SLC7A11: variants seen among roughly 807,000 people sequenced by gnomAD.
SLC7A11 encodes the protein solute carrier family 7 member 11.
A neutral mutation model predicts 54.5 loss-of-function variants in SLC7A11; 35 were observed. The ratio of observed to expected loss-of-function variants is 0.64; its 90% CI spans 0.49 to 0.85. The LOEUF is 0.85. Ranked by LOEUF, SLC7A11 falls within the 40% of genes least tolerant of loss-of-function variation. The pLI is 0.00. For synonymous variants in SLC7A11, 230 were observed against 225.2 expected (o/e 1.02, Z -0.19); for missense variants, 583 against 618.1 (o/e 0.94, Z 0.60).
In SLC7A11 at chr4:138,237,737, A is replaced by ATTTTT. The variant is rs1169641615; in HGVS notation, c.278-1291_278-1287dup. Among the ~76,000 whole-genome samples, 4 of 9,832 alleles carry ATTTTT rather than the reference A, an allele frequency of 4.1e-4. 1 individual carries two copies. Among genetic ancestry groups the ATTTTT allele is most frequent in the East Asian group, 3.9e-3 (1 of 258 alleles). The allele number at this position is 9,832 out of a possible 152,430, so 6.5% of individuals were successfully genotyped here. On this transcript the variant is annotated intron_variant, in intron 1 of 11. Transcript: ENST00000280612. ...TATATATATATATATATATATATAT[A>ATTTTT]TTTTTTTTTTTTTTTTTTTTTTTTT...
At chr4:138,219,142 TA>T in intron 5 of SLC7A11, 123 bp downstream of exon 5, 1 of 607,296 alleles carries the variant, frequency 1.6e-6, no homozygotes, top group Non-Finnish European at 2.9e-6. Context: ...TCATTTCAAG[TA>T]AAGCCTATCA....
At chr4:138,178,600 T>C (rs1301267616) in intron 11 of SLC7A11, among the ~76,000 whole-genome samples, 1 of 152,064 alleles carries the variant, frequency 6.6e-6, no homozygotes, top group African/African-American at 2.4e-5. Context: ...ATTCCCACCA[T>C]AGCACATGTA....
intron 2 of SLC7A11, among the ~76,000 whole-genome samples, chr4:138,235,517 A>G (rs886492824): frequency 3.9e-5 from 6 of 152,158 alleles, no homozygotes; most frequent in Non-Finnish European, 8.8e-5. Context: ...TCTCAATCAC[A>G]TATGTTTGAT....
intron 11 of SLC7A11, chr4:138,174,674 G>C (rs978990322): frequency 3.9e-5 from 6 of 152,144 alleles, no homozygotes; most frequent in African/African-American, 1.4e-4. Flanking sequence ...GCATTCAACT[G>C]TCATGTCTAC....
At chr4:138,185,273 A>C (rs767518414) in intron 6 of SLC7A11, 29 bp from the exon 7 acceptor site, 1 of 1,608,918 alleles carries the variant, frequency 6.2e-7, no homozygotes, top group Non-Finnish European at 8.5e-7. Context: ...TCACTTATTC[A>C]TTATCTTTTG....
chr4:138,184,544 G>A (rs908638358), intron 7 of SLC7A11, among the ~76,000 whole-genome samples: 1 of 152,064 alleles, frequency 6.6e-6, no homozygotes, highest in Non-Finnish European at 1.5e-5. Flanking sequence ...TTCTTAGGGA[G>A]TTCAAATGCA....
chr4:138,189,338 AC>A (rs1736954050), intron 6 of SLC7A11, among the ~76,000 whole-genome samples: 1 of 152,140 alleles, frequency 6.6e-6, no homozygotes, highest in African/African-American at 2.4e-5. Flanking sequence ...ATTTACAACA[AC>A]CCATGGAAAC....
Position 138,183,262 on chromosome 4 carries a change from G to GGAA in SLC7A11, c.956_958dup (p.Val319_Pro320insLeu), listed in dbSNP as rs778780950. The GGAA allele has an allele frequency of 6.2e-7, 1 of 1,611,948 alleles. No homozygotes were observed. The stretch of plus-strand genomic sequence containing the variant: ...AAAGCAGGAGAGGGCAACAAAGATC[G>GGAA]GAACTGCTAATGAGAAATTTCCCAG... On this transcript the variant is annotated inframe_insertion, in exon 8 of 12. Transcript: ENST00000280612.
chr4:138,209,708 G>A (rs1027832034), intron 6 of SLC7A11, among the ~76,000 whole-genome samples: 2 of 151,932 alleles, frequency 1.3e-5, no homozygotes, highest in African/African-American at 2.4e-5. Flanking sequence ...ATCTCTGCAA[G>A]GAGAGCTATA....
intron 4 of SLC7A11, among the ~76,000 whole-genome samples, chr4:138,222,897 C>T (rs1376026547): frequency 8.2e-6 from 1 of 121,914 alleles, no homozygotes; most frequent in African/African-American, 3.4e-5. Flanking sequence ...TTAATTAAAA[C>T]TAAGTGGCAG....
chr4:138,223,596 T>G (rs926617530), intron 3 of SLC7A11, among the ~76,000 whole-genome samples: 1 of 152,200 alleles, frequency 6.6e-6, no homozygotes, highest in Non-Finnish European at 1.5e-5. Flanking sequence ...GTTCTTTGTA[T>G]GTAAGAGTGG....
rs1737750077 is a variant in SLC7A11, at chr4:138,219,286, TCCATAA to T, written c.720_725del (p.Tyr240_Gly242delinsTer). ...CTTACCAGCCAGCATATGCATACATTCCATAATAAAAAGCCAGTGGCAACCGCGTAA... is the reference window on the plus strand; with the variant it reads ...CTTACCAGCCAGCATATGCATACATTTAAAAAGCCAGTGGCAACCGCGTAA... On this transcript the variant is annotated stop_gained and inframe_deletion, in exon 5 of 12. Transcript: ENST00000280612. LOFTEE classifies it high-confidence loss of function. 6.2e-7 allele frequency: 1 copy of T among 1,602,762 alleles called. No individual in the cohort carries two copies.
chr4:138,196,502 T>C (rs1737134942), intron 6 of SLC7A11, among the ~76,000 whole-genome samples: 2 of 152,026 alleles, frequency 1.3e-5, no homozygotes, highest in Non-Finnish European at 2.9e-5. Flanking sequence ...CCGTGACGAC[T>C]GAAGTTGAAA....
Position 138,179,222 on chromosome 4 carries a change from A to G in SLC7A11, c.1439T>C (p.Met480Thr), listed in dbSNP as rs766428287. The G allele has an allele frequency of 1.2e-6, 2 of 1,602,772 alleles. No individual in the cohort carries two copies. Among genetic ancestry groups the G allele is most frequent in the South Asian group, 1.1e-5 (1 of 90,738 alleles). ...AAAGTATTTAAAATTCTTACCCGAC[A>G]TTATTCTAAACCACCTGGGTTTCTT... ...WDKKPRWFRI[M>T]SEKITRTLQI... Residue 480 changes from methionine (M) to threonine (T), a missense_variant, in exon 11 of 12, where the codon ATG becomes ACG. Transcript: ENST00000280612.
Position 138,183,292 on chromosome 4 carries a change from C to T in SLC7A11, c.929G>A (p.Arg310Gln), listed in dbSNP as rs779699261. 18 of 1,609,668 alleles carry T rather than the reference C, an allele frequency of 1.1e-5. No individual in the cohort carries two copies. The South Asian group carries it at 1.2e-4, about 11-fold the overall frequency. ...TGCTAATGAGAAATTTCCCAGTAGCCGCTCAGAAAAGGTCTAGTGAAAGAA... is the reference window on the plus strand; with the variant it reads ...TGCTAATGAGAAATTTCCCAGTAGCTGCTCAGAAAAGGTCTAGTGAAAGAA... ...SNAVAVTFSERLLGNFSLAVP... is the reference protein window; with the variant it reads ...SNAVAVTFSEQLLGNFSLAVP... The change falls in exon 8 of 12, where the codon CGG (arginine) becomes CAG (glutamine). Residue 310 changes from arginine (R) to glutamine (Q), a missense_variant. Physicochemically the swap from Arg to Gln is conservative, Grantham distance 43. Transcript: ENST00000280612.
intron 6 of SLC7A11, among the ~76,000 whole-genome samples, chr4:138,198,477 AAATG>A (rs1265046173): frequency 6.6e-6 from 1 of 152,220 alleles, no homozygotes; most frequent in African/African-American, 2.4e-5. Context: ...ACTGGTGATC[AAATG>A]AATGCATTTT....
chr4:138,223,343 A>C lies in SLC7A11; in HGVS notation c.521-19T>G, dbSNP rs946797380. The C allele has an allele frequency of 6.2e-7, 1 of 1,611,014 alleles. No homozygotes were observed. Among genetic ancestry groups the C allele is most frequent in the African/African-American group, 1.3e-5 (1 of 74,778 alleles). ...ACTACAGCTGCAAACAAATAGAGGA[A>C]GTTACAAAAGGTGAATTCTCACTGG... On this transcript the variant is annotated intron_variant, in intron 3 of 11. Transcript: ENST00000280612.
intron 3 of SLC7A11, among the ~76,000 whole-genome samples, chr4:138,225,932 G>A (rs1737937909): frequency 6.6e-6 from 1 of 151,988 alleles, no homozygotes; most frequent in South Asian, 2.1e-4. Context: ...AGGAGAGAGA[G>A]AGAGGCATTC....
chr4:138,194,101 G>A (rs1737074261), intron 6 of SLC7A11, among the ~76,000 whole-genome samples: 1 of 152,072 alleles, frequency 6.6e-6, no homozygotes, highest in African/African-American at 2.4e-5. Context: ...TGGAGCAGAG[G>A]GAAAGGTGGG....
Sources: allele counts gnomAD v4.1 joint callset (sites outside exome capture counted in the v4.1 genomes callset), GRCh38; gene constraint gnomAD v4.1.1; transcripts MANE v1.5; gene names NCBI Gene and HGNC (gene_info 2026-07-23, HGNC 2026-07-21).